Variants in MACROD2 observed in about 807,000 individuals in gnomAD.
MACROD2 encodes the protein mono-ADP ribosylhydrolase 2, also known as ADP-ribose glycohydrolase MACROD2.
A neutral mutation model predicts 70.4 loss-of-function variants in MACROD2; 36 were observed. The observed-to-expected ratio is 0.51, with a 90% CI of 0.39 to 0.68. MACROD2 has a LOEUF of 0.68. Among genes scored for constraint, MACROD2 ranks in the 30% least tolerant of loss-of-function variants. MACROD2 has a pLI of 0.00. For missense variants in MACROD2, 496 were observed against 538.4 expected, an observed-to-expected ratio of 0.92 and a Z score of 0.78; for synonymous variants, 172 against 178.8, an observed-to-expected ratio of 0.96 and a Z score of 0.30.
Position 15,084,077 on chromosome 20 carries a change from T to TTTTTTGTTTTGTTTTG in MACROD2, c.419-145858_419-145857insGTTTTGTTTTGTTTTT, listed in dbSNP as rs1555780899. On this transcript the variant is annotated intron_variant, in intron 5 of 17. Transcript: ENST00000684519. Reference sequence around the variant, plus strand: ...ACACTAGGTTTTTTTTTTTTGTTTTTTTTTTTTAATGAAGTTTTGCTCTTT... The same window carrying TTTTTTGTTTTGTTTTG: ...ACACTAGGTTTTTTTTTTTTGTTTTTTTTTTGTTTTGTTTTGTTTTTTTAATGAAGTTTTGCTCTTT... Among the ~76,000 whole-genome samples the TTTTTTGTTTTGTTTTG allele has an allele frequency of 3.1e-3, 454 of 145,788 alleles. 9 individuals are homozygous for TTTTTTGTTTTGTTTTG. Among genetic ancestry groups the TTTTTTGTTTTGTTTTG allele is most frequent in the African/African-American group, 0.011 (418 of 38,526 alleles).
intron 3 of MACROD2, among the ~76,000 whole-genome samples, chr20:14,278,601 AGAAAT>A (rs1399238916): frequency 6.6e-6 from 1 of 152,212 alleles, no homozygotes; most frequent in East Asian, 1.9e-4. Flanking sequence ...ACCACTGTAA[AGAAAT>A]ATGTTTGCAT....
At chr20:14,493,438 C>G in intron 3 of MACROD2, 41 bp from the exon 4 acceptor site, 1 of 1,545,512 alleles carries the variant, frequency 6.5e-7, no homozygotes, top group South Asian at 1.1e-5. Flanking sequence ...ATTTCTTATA[C>G]ATATTATTTA....
chr20:15,238,899 G>A (rs536326541), intron 6 of MACROD2, among the ~76,000 whole-genome samples: 1 of 152,136 alleles, frequency 6.6e-6, no homozygotes, highest in South Asian at 2.1e-4. Context: ...TACTGGCCTA[G>A]CACACTGTCA....
At chr20:15,486,893 G>A (rs182750558) in intron 7 of MACROD2, among the ~76,000 whole-genome samples, 30 of 152,306 alleles carry the variant, frequency 2.0e-4, no homozygotes, top group Admixed American at 8.5e-4. Context: ...GTAGCTGACA[G>A]CAAATAGCAT....
chr20:14,115,314 G>A (rs1034454394), intron 3 of MACROD2, among the ~76,000 whole-genome samples: 1 of 152,130 alleles, frequency 6.6e-6, no homozygotes, highest in African/African-American at 2.4e-5. Flanking sequence ...GGGGAAAACC[G>A]TAAATAGACC....
intron 5 of MACROD2, among the ~76,000 whole-genome samples, chr20:15,228,380 A>T (rs1170908998): frequency 1.3e-5 from 2 of 152,180 alleles, no homozygotes; most frequent in Non-Finnish European, 2.9e-5. Context: ...ATACTGTTTC[A>T]GAATTAATCA....
At chr20:14,102,929 AGT>A (rs2054319087) in intron 3 of MACROD2, among the ~76,000 whole-genome samples, 1 of 152,114 alleles carries the variant, frequency 6.6e-6, no homozygotes, top group South Asian at 2.1e-4. Flanking sequence ...TTTTAAAAAT[AGT>A]GTGGGGATAG....
intron 3 of MACROD2, among the ~76,000 whole-genome samples, chr20:14,317,222 T>C (rs535192698): frequency 7.9e-4 from 121 of 152,320 alleles, no homozygotes; most frequent in Non-Finnish European, 1.5e-3. Flanking sequence ...TACCACCCAA[T>C]CTAAGTAGGT....
chr20:15,225,731 T>C (rs2076900327), intron 5 of MACROD2, among the ~76,000 whole-genome samples: 1 of 152,228 alleles, frequency 6.6e-6, no homozygotes, highest in African/African-American at 2.4e-5. Flanking sequence ...TTTCATAGTA[T>C]AAATGAACCA....
intron 6 of MACROD2, among the ~76,000 whole-genome samples, chr20:15,243,962 T>C (rs2077083515): frequency 6.6e-6 from 1 of 152,014 alleles, no homozygotes. Flanking sequence ...TGTGAGCTGA[T>C]TATTAAAACA....
At chr20:14,847,233 GTTTA>G (rs1175845584) in intron 5 of MACROD2, among the ~76,000 whole-genome samples, 1 of 152,108 alleles carries the variant, frequency 6.6e-6, no homozygotes, top group African/African-American at 2.4e-5. Flanking sequence ...ACTCTAATGA[GTTTA>G]GGAACGTGCT....
Position 13,995,547 on chromosome 20 carries a change from C to T in MACROD2, c.-217C>T. 1 of 638,410 alleles carries T rather than the reference C, an allele frequency of 1.6e-6. No individual in the cohort carries two copies. The allele number at this position is 638,410 out of a possible 1,614,324, so 39.5% of individuals were successfully genotyped here. A position where few individuals can be genotyped will look rare whatever the true frequency, so the allele number is the denominator to read the frequency against. On this transcript the variant is annotated 5_prime_UTR_variant, in exon 1 of 18. Transcript: ENST00000684519. The surrounding 1 kb of genome is among the most constrained non-coding windows in gnomAD (Gnocchi z 4.3). ...CTCTGAGGTGCTGCTGTGGCGGCGT[C>T]CGCGGGGCTGAGGCGGGTGGGAGCC...
intron 5 of MACROD2, among the ~76,000 whole-genome samples, chr20:14,961,930 T>TA: frequency 6.6e-6 from 1 of 152,296 alleles, no homozygotes; most frequent in East Asian, 1.9e-4. Flanking sequence ...ACAATATCAA[T>TA]AACTAAACTT....
At chr20:14,786,377 A>G (rs2072374168) in intron 5 of MACROD2, among the ~76,000 whole-genome samples, 1 of 152,102 alleles carries the variant, frequency 6.6e-6, no homozygotes, top group South Asian at 2.1e-4. Flanking sequence ...TCCTTTGTTA[A>G]CATGACTTGG....
Position 15,451,156 on chromosome 20 carries a change from G to A in MACROD2, c.571+19721G>A, listed in dbSNP as rs145914750. 5.9e-5 allele frequency among the ~76,000 whole-genome samples: 9 copies of A among 151,876 alleles called. No homozygotes were observed. The East Asian group carries it at 1.2e-3, about 20-fold the overall frequency. On this transcript the variant is annotated intron_variant, in intron 7 of 17. Transcript: ENST00000684519. ...CAGAGGAAGAAAGATGGGCTGCCTC[G>A]GTGCATTTTCCATTTGCCCGTGATT...
chr20:14,775,684 G>A (rs578007448), intron 5 of MACROD2, among the ~76,000 whole-genome samples: 1 of 152,014 alleles, frequency 6.6e-6, no homozygotes, highest in East Asian at 1.9e-4. Flanking sequence ...TACATCAGTG[G>A]TTTAGCTGGG....
At chr20:14,846,593 A>G (rs759486730) in intron 5 of MACROD2, among the ~76,000 whole-genome samples, 6 of 139,118 alleles carry the variant, frequency 4.3e-5, no homozygotes, top group African/African-American at 1.3e-4. Flanking sequence ...TCTCAGCTCA[A>G]TGCAAGCTCT....
intron 4 of MACROD2, among the ~76,000 whole-genome samples, chr20:14,558,869 G>A (rs1052101198): frequency 2.0e-5 from 3 of 151,584 alleles, no homozygotes; most frequent in African/African-American, 7.3e-5. Flanking sequence ...AAGTGTTTGT[G>A]TATGTGTATG....
chr20:15,940,080 G>A (rs904770286), intron 12 of MACROD2, among the ~76,000 whole-genome samples: 15 of 152,218 alleles, frequency 9.9e-5, no homozygotes, highest in Non-Finnish European at 1.9e-4. Context: ...GCAGGTTTGA[G>A]AGTATTGAGT....
Sources: allele counts gnomAD v4.1 joint callset (sites outside exome capture counted in the v4.1 genomes callset), GRCh38; gene constraint gnomAD v4.1.1; non-coding constraint Gnocchi (gnomAD v3.1); transcripts MANE v1.5; gene names NCBI Gene and HGNC (gene_info 2026-07-23, HGNC 2026-07-21).